Variants in STAB1 observed in about 807,000 individuals in gnomAD.
STAB1 encodes stabilin-1.
STAB1 carries 250 observed loss-of-function variants against 332.4 expected under a neutral mutation model. That is an observed-to-expected ratio of 0.75 (90% CI 0.68 to 0.84). The LOEUF is 0.84. Among genes scored for constraint, STAB1 ranks in the 40% least tolerant of loss-of-function variants. The pLI is 0.00. For missense variants in STAB1, 3,249 were observed against 3,489.7 expected, an observed-to-expected ratio of 0.93 and a Z score of 1.74; for synonymous variants, 1,475 against 1,390.4, an observed-to-expected ratio of 1.06 and a Z score of -1.35.
intron 50 of STAB1, 140 bp from the exon 51 acceptor site, chr3:52,519,804 C>T: frequency 2.4e-6 from 3 of 1,230,908 alleles, no homozygotes; most frequent in Middle Eastern, 2.8e-4. Context: ...GATGTGTGCA[C>T]ACACATGCCT....
intron 37 of STAB1, 45 bp from the exon 38 acceptor site, chr3:52,515,998 C>T (rs775504119): frequency 9.1e-6 from 14 of 1,533,426 alleles, no homozygotes; most frequent in Non-Finnish European, 1.2e-5. Flanking sequence ...CCCCTGACAC[C>T]TTGCTGGGCC....
chr3:52,503,088 C>A lies in STAB1; in HGVS notation c.673C>A (p.Gln225Lys). 1 of 1,597,280 alleles carries A rather than the reference C, an allele frequency of 6.3e-7. No individual in the cohort carries two copies. The highest frequency in any genetic ancestry group is 8.5e-7 in the Non-Finnish European group (1 of 1,173,090). The change falls in exon 7 of 69, where the codon CAG (glutamine) becomes AAG (lysine). Residue 225 changes from glutamine (Q) to lysine (K), a missense_variant. Physicochemically the swap from Gln to Lys is moderately conservative, Grantham distance 53. Coordinates refer to ENST00000321725, the MANE Select transcript of STAB1 (RefSeq NM_015136.3). ...CTGCAGGTGCCTGCCCGGCTACACA[C>A]AGCAGGGCAGTGAATGCCGAGGTGA... ...PSCRCLPGYTQQGSECRAPNP... is the reference protein window; with the variant it reads ...PSCRCLPGYTKQGSECRAPNP...
chr3:52,504,391 C>A, intron 10 of STAB1, 70 bp from the exon 11 acceptor site: 1 of 1,548,448 alleles, frequency 6.5e-7, no homozygotes, highest in Non-Finnish European at 8.9e-7. Context: ...AGGTCTGATG[C>A]CCGAACATCT....
chr3:52,507,575 A>ACTAACCC (rs1327798258), intron 18 of STAB1, 38 bp from the exon 19 acceptor site: 1 of 1,598,026 alleles, frequency 6.3e-7, no homozygotes, highest in African/African-American at 1.3e-5. Flanking sequence ...ATAAACAATG[A>ACTAACCC]CTAACCCCTC....
Position 52,503,792 on chromosome 3 carries a change from A to T in STAB1, c.912A>T (p.Pro304=). The T allele has an allele frequency of 6.2e-7, 1 of 1,613,086 alleles. No homozygotes were observed. The highest frequency in any genetic ancestry group is 1.1e-5 in the South Asian group (1 of 91,076). ...KPGQAFCTCR[P]GLVSINSNAS... ...GCCAGGCCTTCTGCACCTGCCGGCC[A>T]GGCCTGGTCAGCATCAACAGCAACG... The change falls in exon 9 of 69, where the codon CCA becomes CCT. Residue 304 remains proline (P), a synonymous_variant. Transcript: ENST00000321725.
intron 1 of STAB1, among the ~76,000 whole-genome samples, chr3:52,498,386 G>C (rs1004203025): frequency 6.6e-6 from 1 of 152,234 alleles, no homozygotes; most frequent in African/African-American, 2.4e-5. Context: ...CTGGACCAAC[G>C]GCAAGATGTG....
At position 52,523,266 on chromosome 3, in the gene STAB1, C is replaced by T. The variant is rs770932171; in HGVS notation, c.7065C>T (p.Phe2355=). 166 of 1,612,864 alleles carry T rather than the reference C, an allele frequency of 1.0e-4. No homozygotes were observed. The highest frequency in any genetic ancestry group is 1.3e-4 in the Non-Finnish European group (156 of 1,179,814). Residue 2355 remains phenylalanine (F), a synonymous_variant, in exon 64 of 69, where the codon TTC becomes TTT. Transcript: ENST00000321725. ...ATGCCACCCAGCGGGGTCTCGACTT[C>T]CTGGACTTCCTGGATGATGAGCTCA... The part of the protein sequence containing the change: ...YANATQRGLD[F]LDFLDDELTY...
chr3:52,495,547 T>C (rs1707945894), intron 1 of STAB1, 56 bp downstream of exon 1: 4 of 1,265,678 alleles, frequency 3.2e-6, no homozygotes, highest in Non-Finnish European at 4.0e-6. Context: ...CGGCCAGCGG[T>C]GGGAACAGGG....
At chr3:52,521,568 T>C in intron 56 of STAB1, 28 bp from the exon 57 acceptor site, 3 of 1,613,442 alleles carry the variant, frequency 1.9e-6, no homozygotes, top group Non-Finnish European at 2.5e-6. Context: ...GGGCCAATCT[T>C]TATCTTCCTG....
Position 52,502,205 on chromosome 3 carries a change from G to A in STAB1, c.464G>A (p.Arg155Gln). Residue 155 changes from arginine to glutamine, a missense_variant, in exon 5 of 69, where the codon CGG becomes CAG. By Grantham distance (43) the Arg-to-Gln change is conservative. Coordinates refer to ENST00000321725, the MANE Select transcript of STAB1 (RefSeq NM_015136.3). ...SACQECQDPNRFGPDCQSVCS... is the reference protein window; with the variant it reads ...SACQECQDPNQFGPDCQSVCS... The stretch of plus-strand genomic sequence containing the variant: ...TGCCAGGAGTGCCAAGACCCCAACC[G>A]GTTCGGGCCTGACTGCCAATCGGGT... 9 of 1,612,942 alleles carry A rather than the reference G, an allele frequency of 5.6e-6. No individual in the cohort carries two copies. The highest frequency in any genetic ancestry group is 1.1e-5 in the South Asian group (1 of 91,070).
chr3:52,512,387 C>G lies in STAB1; in HGVS notation c.2930C>G (p.Pro977Arg). Residue 977 changes from proline to arginine, a missense_variant, in exon 27 of 69, where the codon CCC (proline) becomes CGC (arginine). Pro to Arg is a moderately radical substitution (Grantham distance 103). Transcript: ENST00000321725. ...GGAGGTCAGCGGGTCTGCACGTGCC[C>G]CCCTGGCTTTGGGGGTGATGGCTTC... is the stretch of plus-strand genomic sequence containing the variant. ...VGGGQRVCTCPPGFGGDGFSC... is the reference protein window; with the variant it reads ...VGGGQRVCTCRPGFGGDGFSC... 6.2e-7 allele frequency: 1 copy of G among 1,610,946 alleles called. No homozygotes were observed. Among genetic ancestry groups the G allele is most frequent in the African/African-American group, 1.3e-5 (1 of 74,788 alleles).
At chr3:52,497,924 G>GT (rs1421655962) in intron 1 of STAB1, among the ~76,000 whole-genome samples, 2 of 152,176 alleles carry the variant, frequency 1.3e-5, no homozygotes, top group African/African-American at 2.4e-5. Context: ...AGGCTTTCCT[G>GT]GAAGGCCCTT....
intron 25 of STAB1, 64 bp downstream of exon 25, chr3:52,510,571 G>A (rs1264456711): frequency 5.8e-6 from 9 of 1,554,030 alleles, no homozygotes; most frequent in Non-Finnish European, 7.8e-6. Context: ...TGCCCCATCT[G>A]ACTCCTGGAA....
At position 52,501,622 on chromosome 3, in the gene STAB1, C is replaced by G. The variant is rs1339385257; in HGVS notation, c.216-16C>G. 1 of 1,548,912 alleles carries G rather than the reference C, an allele frequency of 6.5e-7. No individual in the cohort carries two copies. The highest frequency in any genetic ancestry group is 1.2e-5 in the South Asian group (1 of 84,084). On this transcript the variant is annotated splice_polypyrimidine_tract_variant and intron_variant, in intron 2 of 68. Coordinates refer to ENST00000321725, the MANE Select transcript of STAB1 (RefSeq NM_015136.3). ...AGGGAGCCTTTTCCATCACCCTGCC[C>G]ACCCTCTGCCCCCAGCTACGAAGTA...
intron 10 of STAB1, 144 bp downstream of exon 10, chr3:52,504,299 G>C: frequency 7.0e-7 from 1 of 1,433,798 alleles, no homozygotes; most frequent in Non-Finnish European, 9.4e-7. Context: ...TGCATGCAGG[G>C]GGTGGGAGCT....
chr3:52,517,849 A>C (rs2078926018), intron 44 of STAB1, 32 bp from the exon 45 acceptor site: 6 of 1,611,618 alleles, frequency 3.7e-6, no homozygotes, highest in Non-Finnish European at 5.1e-6. Flanking sequence ...AGTGAAAGCC[A>C]CTGATACCTT....
At chr3:52,501,923 G>A (rs984670207) in intron 3 of STAB1, 83 bp from the exon 4 acceptor site, 29 of 1,546,418 alleles carry the variant, frequency 1.9e-5, no homozygotes, top group South Asian at 4.5e-5. Flanking sequence ...GGGAGGGGCC[G>A]AGTCTGGGGT....
At position 52,522,230 on chromosome 3, in the gene STAB1, G is replaced by C. The variant is rs2079097262; in HGVS notation, c.6465G>C (p.Leu2155=). Reference sequence around the variant, plus strand: ...ACGCCAACTGCTTGAGCACCGGCCTGGTGAGCAGGTGGGGGAACCGAGTAG... The same window carrying C: ...ACGCCAACTGCTTGAGCACCGGCCTCGTGAGCAGGTGGGGGAACCGAGTAG... ...SEHANCLSTG[L]NTRRCECHAG... is the part of the protein sequence containing the mutation. Residue 2155 remains leucine (L), a splice_region_variant and synonymous_variant, in exon 59 of 69, where the codon CTG becomes CTC. Coordinates refer to ENST00000321725, the MANE Select transcript of STAB1 (RefSeq NM_015136.3). 1 of 1,612,226 alleles carries C rather than the reference G, an allele frequency of 6.2e-7. No homozygotes were observed. The highest frequency in any genetic ancestry group is 1.3e-5 in the African/African-American group (1 of 74,922).
intron 2 of STAB1, 123 bp downstream of exon 2, chr3:52,501,425 C>T: frequency 6.8e-7 from 1 of 1,465,906 alleles, no homozygotes; most frequent in Non-Finnish European, 9.3e-7. Context: ...CCTGTGGCCC[C>T]ACCTGGGTGG....
Sources: gnomAD v4.1 joint callset for allele counts (sites outside exome capture counted in the v4.1 genomes callset) on GRCh38, gnomAD v4.1.1 for gene constraint, MANE v1.5 for transcripts, NCBI Gene and HGNC (gene_info 2026-07-23, HGNC 2026-07-21) for gene names.